The following ARHGAP4 variants were observed in gnomAD, a reference collection of about 807,000 sequenced individuals.
ARHGAP4 encodes Rho GTPase activating protein 4.
A neutral mutation model predicts 67.6 loss-of-function variants in ARHGAP4; 25 were observed. That is an observed-to-expected ratio of 0.37 (90% CI 0.27 to 0.52). The LOEUF (loss-of-function observed/expected upper bound fraction) is 0.52. ARHGAP4 is among the 20% of genes least tolerant of loss of function. The pLI is 0.92. For missense variants in ARHGAP4, 804 were observed against 854.6 expected, an observed-to-expected ratio of 0.94 and a Z score of 0.74; for synonymous variants, 448 against 373.7, an observed-to-expected ratio of 1.20 and a Z score of -2.29.
At chrX:153,912,855 C>A in intron 11 of ARHGAP4, 53 bp from the exon 12 acceptor site, 1 of 1,116,748 alleles carries the variant, frequency 9.0e-7, no homozygotes, top group Non-Finnish European at 1.2e-6. Flanking sequence ...GAATAGGGTG[C>A]CCCACCCCCC....
rs140330535 is a variant in ARHGAP4 at position 153,920,695 on chromosome X, G to A, written c.612C>T (p.Thr204=). ...KRAGRSVPTT[T]AGATEAGPLR... ...GGGGCCCTGCCTCAGTGGCACCAGC[G>A]GTGGTGGTGGGGACACTCCGGCCTG... The change falls in exon 5 of 22, where the codon ACC becomes ACT. Residue 204 remains threonine, a synonymous_variant. Coordinates refer to ENST00000350060, the MANE Select transcript of ARHGAP4 (RefSeq NM_001666.5). 138 of 1,210,620 alleles carry A rather than the reference G, an allele frequency of 1.1e-4. No homozygotes were observed. The African/African-American group carries it at 1.4e-3, about 12-fold the overall frequency.
chrX:153,925,220 G>A (rs1329277654), intron 1 of ARHGAP4, among the ~76,000 whole-genome samples: 1 of 111,894 alleles, frequency 8.9e-6, no homozygotes, highest in Non-Finnish European at 1.9e-5. Context: ...GAGGACTGGA[G>A]CATACTTTGG....
At position 153,910,721 on chromosome X, in the gene ARHGAP4, C is replaced by A. The variant is rs781935710; in HGVS notation, c.1795G>T (p.Gly599Cys). The change falls in exon 15 of 22, where the codon GGC (glycine) becomes TGC (cysteine). Residue 599 changes from glycine (G) to cysteine (C), a missense_variant. Gly to Cys is a radical substitution (Grantham distance 159). Around this residue, in one of 2 missense-constraint regions of ARHGAP4, gnomAD observed 400 missense variants for 348.7 expected, o/e 1.15. Transcript: ENST00000350060. Reference protein sequence around the residue: ...EPPLFPPDLFGELLASSELEA... With the variant: ...EPPLFPPDLFCELLASSELEA... ...TCACCCGAAGAAGCCAGCAGCTCGC[C>A]GAACAGGTCTGGGGGGAAGAGTGGG... is the stretch of plus-strand genomic sequence containing the variant. The A allele has an allele frequency of 4.2e-6, 5 of 1,194,786 alleles. No homozygotes were observed. The highest frequency in any genetic ancestry group is 5.6e-6 in the Non-Finnish European group (5 of 886,879).
In ARHGAP4 at chrX:153,910,023, G is replaced by A. The variant is rs782660805; in HGVS notation, c.2219C>T (p.Ala740Val). Residue 740 changes from alanine (A) to valine (V), a missense_variant, in exon 18 of 22, where the codon GCA becomes GTA. By Grantham distance (64) the Ala-to-Val change is moderately conservative. Transcript: ENST00000350060. ...CCCATCGCCCTCACCATCCTCCTGT[G>A]CGGGCATCTCGGCTTCCAGCTCCGG... is the stretch of plus-strand genomic sequence containing the variant. Reference protein sequence around the residue: ...NEPELEAEMPAQEDDLEGVVE... With the variant: ...NEPELEAEMPVQEDDLEGVVE... 37 of 1,209,888 alleles carry A rather than the reference G, an allele frequency of 3.1e-5. No homozygotes were observed. The highest frequency in any genetic ancestry group is 3.8e-5 in the Non-Finnish European group (34 of 895,189).
intron 12 of ARHGAP4, 140 bp downstream of exon 12, chrX:153,912,560 C>T (rs981208843): frequency 7.6e-6 from 4 of 527,209 alleles, no homozygotes; most frequent in African/African-American, 7.1e-5. Context: ...GGAAGAGGCC[C>T]ACCCAGAAAA....
intron 12 of ARHGAP4, among the ~76,000 whole-genome samples, chrX:153,912,139 C>A: frequency 9.4e-6 from 1 of 106,521 alleles, no homozygotes; most frequent in Non-Finnish European, 1.9e-5. Context: ...CTCTCTCTCT[C>A]TTTCTTTCTT....
intron 1 of ARHGAP4, 94 bp downstream of exon 1, chrX:153,926,042 T>A: frequency 9.0e-7 from 1 of 1,107,383 alleles, no homozygotes; most frequent in Non-Finnish European, 1.2e-6. Context: ...GGGGAGAGCA[T>A]CGGGCCCTGG....
intron 5 of ARHGAP4, 33 bp downstream of exon 5, chrX:153,920,593 T>C (rs1557105022): frequency 8.5e-7 from 1 of 1,171,872 alleles, no homozygotes; most frequent in Admixed American, 2.3e-5. Flanking sequence ...CCATGGCCCA[T>C]AGGCCTGCGT....
At chrX:153,917,695 G>C (rs1000204258) in intron 7 of ARHGAP4, among the ~76,000 whole-genome samples, 1 of 112,175 alleles carries the variant, frequency 8.9e-6, no homozygotes, top group Admixed American at 9.5e-5. Context: ...GCAGTGAGCT[G>C]AGATCACATC....
In ARHGAP4 at chrX:153,907,840, C is replaced by T. The variant is rs142961505; in HGVS notation, c.2730G>A (p.Pro910=). The change falls in exon 22 of 22, where the codon CCG becomes CCA. Residue 910 remains proline, a synonymous_variant. Coordinates refer to ENST00000350060, the MANE Select transcript of ARHGAP4 (RefSeq NM_001666.5). The part of the protein sequence containing the change: ...PSPGPRSPKA[P]PSSRLGRNKG... Reference sequence around the variant, plus strand: ...TGTTCCTGCCCAGGCGGCTGCTGGGCGGGGCCTTTGGGCTTCGGGGCCCAG... The same window carrying T: ...TGTTCCTGCCCAGGCGGCTGCTGGGTGGGGCCTTTGGGCTTCGGGGCCCAG... 33 of 1,013,422 alleles carry T rather than the reference C, an allele frequency of 3.3e-5. No individual in the cohort carries two copies. Among genetic ancestry groups the T allele is most frequent in the Non-Finnish European group, 3.8e-5 (30 of 790,404 alleles). 83.5% of individuals were successfully genotyped at this position (1,013,422 alleles called of 1,213,427 possible).
chrX:153,917,455 A>C (rs1426477416), intron 7 of ARHGAP4, among the ~76,000 whole-genome samples: 1 of 110,556 alleles, frequency 9.0e-6, no homozygotes, highest in Non-Finnish European at 1.9e-5. Flanking sequence ...TACTGTATTC[A>C]TGAAATAAGA....
rs782704073 is a variant in ARHGAP4 at position 153,910,905 on chromosome X, G to A, written c.1681+17C>T. ...TCTGCCCGAGCCCCCACCCCCGCCC[G>A]CCCTGCCCGTCCCCACCTCTCTCGA... On this transcript the variant is annotated intron_variant, in intron 14 of 21. Coordinates refer to ENST00000350060, the MANE Select transcript of ARHGAP4 (RefSeq NM_001666.5). The A allele has an allele frequency of 5.5e-5, 23 of 417,539 alleles. No individual in the cohort carries two copies. Among genetic ancestry groups the A allele is most frequent in the East Asian group, 2.2e-4 (2 of 9,152 alleles). The allele number at this position is 417,539 out of a possible 1,213,427, so 34.4% of individuals were successfully genotyped here.
chrX:153,923,325 G>A (rs185135049), intron 1 of ARHGAP4, among the ~76,000 whole-genome samples: 2 of 111,565 alleles, frequency 1.8e-5, no homozygotes, highest in East Asian at 5.7e-4. Flanking sequence ...ACTTCCCAGG[G>A]GCTGTTGCAT....
rs1301283980 is a variant in ARHGAP4, at chrX:153,914,001, C to T, written c.1033-122G>A. The T allele has an allele frequency of 2.0e-5, 11 of 556,913 alleles. No homozygotes were observed. The South Asian group carries it at 2.0e-4, about 10-fold the overall frequency. The allele number at this position is 556,913 out of a possible 1,213,427, so 45.9% of individuals were successfully genotyped here. A position where few individuals can be genotyped will look rare whatever the true frequency, so the allele number is the denominator to read the frequency against. On this transcript the variant is annotated intron_variant, in intron 7 of 21. Transcript: ENST00000350060. Reference sequence around the variant, plus strand: ...TGGCGGCCGGGCACAGGACCACCAGCCCAGACGCTCAGCTGAAGAATGGCA... The same window carrying T: ...TGGCGGCCGGGCACAGGACCACCAGTCCAGACGCTCAGCTGAAGAATGGCA...
chrX:153,913,985 G>A (rs979506131), intron 7 of ARHGAP4, 106 bp from the exon 8 acceptor site: 46 of 677,689 alleles, frequency 6.8e-5, no homozygotes, highest in Middle Eastern at 4.5e-4. Flanking sequence ...CTGGCGGCCG[G>A]GCACAGGACC....
chrX:153,918,883 G>A lies in ARHGAP4; in HGVS notation c.981C>T (p.Thr327=), dbSNP rs202218244. The stretch of plus-strand genomic sequence containing the variant: ...CAAAGCGCAGCGGGGGACAGAAGAC[G>A]GTAGCATGCACCTCGAGAACCTTGG... ...DKAKVLEVHA[T]VFCPPLRFDY... is the part of the protein sequence containing the mutation. The change falls in exon 7 of 22, where the codon ACC becomes ACT. Residue 327 remains threonine, a synonymous_variant. Transcript: ENST00000350060. 333 of 1,210,915 alleles carry A rather than the reference G, an allele frequency of 2.7e-4. No individual in the cohort carries two copies. The highest frequency in any genetic ancestry group is 4.1e-4 in the East Asian group (14 of 33,779).
chrX:153,908,836 C>T (rs1557101935), intron 21 of ARHGAP4, among the ~76,000 whole-genome samples: 1 of 112,263 alleles, frequency 8.9e-6, no homozygotes, highest in East Asian at 2.8e-4. Context: ...TCTTCTGTCC[C>T]TCTCATCCCT....
At chrX:153,919,630 G>A in intron 5 of ARHGAP4, 1 of 1,167,293 alleles carries the variant, frequency 8.6e-7, no homozygotes, top group Non-Finnish European at 1.1e-6. Flanking sequence ...ACCCAGCTTG[G>A]AGCCAGCACA....
rs150024860 is a variant in ARHGAP4 at position 153,922,349 on chromosome X, C to G, written c.68-540G>C. 3.3e-3 allele frequency: 2,485 copies of G among 757,547 alleles called. 49 individuals are homozygous for G. In the African/African-American group the frequency reaches 0.05, roughly 15 times the overall value. 62.4% of individuals were successfully genotyped at this position (757,547 alleles called of 1,213,427 possible). On this transcript the variant is annotated intron_variant, in intron 1 of 21. Coordinates refer to ENST00000350060, the MANE Select transcript of ARHGAP4 (RefSeq NM_001666.5). ...TGCCCTCAGGCCCCAGGGGAAAGGA[C>G]AGTCCACAGTGAGGGCTGGGAGCCA...
Sources: gnomAD v4.1 joint callset for allele counts (sites outside exome capture counted in the v4.1 genomes callset) on GRCh38, gnomAD v4.1.1 for gene constraint, gnomAD v4.1.1 regional missense constraint, MANE v1.5 for transcripts, NCBI Gene and HGNC (gene_info 2026-07-23, HGNC 2026-07-21) for gene names.